FHAD1: variants seen among roughly 807,000 people sequenced by gnomAD.
FHAD1 encodes forkhead associated phosphopeptide binding domain 1, also known as forkhead-associated domain-containing protein 1.
In FHAD1, 146 loss-of-function variants were observed where a neutral mutation model predicts 191.3. The observed-to-expected ratio is 0.76, with a 90% CI of 0.67 to 0.88. The LOEUF is 0.88. Ranked by LOEUF, FHAD1 falls within the 40% of genes least tolerant of loss-of-function variation. FHAD1 has a pLI of 0.00. For synonymous variants in FHAD1, 616 were observed against 672.3 expected (o/e 0.92, Z 1.29); for missense variants, 1,635 against 1,785.8 (o/e 0.92, Z 1.52).
chr1:15,309,271 T>C (rs1671498153), intron 7 of FHAD1, among the ~76,000 whole-genome samples: 1 of 152,124 alleles, frequency 6.6e-6, no homozygotes, highest in African/African-American at 2.4e-5. Context: ...GCACAGCTGT[T>C]TCTTAGCCTG....
intron 4 of FHAD1, among the ~76,000 whole-genome samples, chr1:15,296,242 C>T (rs185231378): frequency 6.6e-5 from 10 of 151,540 alleles, no homozygotes; most frequent in African/African-American, 2.4e-4. Context: ...ACACACACAC[C>T]ACTTTGTAAT....
intron 10 of FHAD1, among the ~76,000 whole-genome samples, chr1:15,323,700 T>G (rs748761742): frequency 1.7e-4 from 26 of 152,278 alleles, no homozygotes; most frequent in Middle Eastern, 3.4e-3. Context: ...ACTGAGCAGC[T>G]GCAGGGTCCT....
At position 15,360,489 on chromosome 1, in the gene FHAD1, A is replaced by AGAGCG; in HGVS notation, c.2750_2754dup (p.Leu919SerfsTer3). The stretch of plus-strand genomic sequence containing the variant: ...TCTCTGTTTCCCAGATCATGGTGGA[A>AGAGCG]GAGCGGCTAATCCTGCAGCAGAAGA... On this transcript the variant is annotated frameshift_variant, in exon 22 of 34. Coordinates refer to ENST00000688493, the MANE Select transcript of FHAD1 (RefSeq NM_001391957.1). LOFTEE classifies it high-confidence loss of function. The AGAGCG allele has an allele frequency of 6.4e-7, 1 of 1,551,296 alleles. No individual in the cohort carries two copies. The highest frequency in any genetic ancestry group is 8.7e-7 in the Non-Finnish European group (1 of 1,146,866).
At chr1:15,328,033 C>CAAAA (rs35961851) in intron 12 of FHAD1, 9 of 119,976 alleles carry the variant, frequency 7.5e-5, no homozygotes, top group Non-Finnish European at 1.2e-4. Flanking sequence ...AACTCCGTCG[C>CAAAA]AAAAAAAAAA....
chr1:15,383,779 G>C (rs1202333180), intron 31 of FHAD1: 1 of 371,954 alleles, frequency 2.7e-6, no homozygotes, highest in Non-Finnish European at 5.5e-6. Flanking sequence ...TAATAGCCCT[G>C]CCTGGTACGA....
At chr1:15,392,160 A>G (rs758381434) in intron 33 of FHAD1, among the ~76,000 whole-genome samples, 3 of 152,166 alleles carry the variant, frequency 2.0e-5, no homozygotes, top group Admixed American at 6.5e-5. Context: ...CCCTCCAGCC[A>G]CAGCTTGAGA....
At chr1:15,357,609 C>T (rs1455426229) in intron 20 of FHAD1, among the ~76,000 whole-genome samples, 3 of 127,438 alleles carry the variant, frequency 2.4e-5, no homozygotes, top group Non-Finnish European at 4.7e-5. Context: ...GGTGACAATG[C>T]GAGACTCCTC....
chr1:15,292,678 A>C (rs2100663070), intron 4 of FHAD1, among the ~76,000 whole-genome samples: 1 of 152,332 alleles, frequency 6.6e-6, no homozygotes, highest in South Asian at 2.1e-4. Flanking sequence ...TTAGGACACA[A>C]GCAACACCAG....
At chr1:15,348,956 A>G in intron 18 of FHAD1, 86 bp from the exon 19 acceptor site, 1 of 725,166 alleles carries the variant, frequency 1.4e-6, no homozygotes, top group South Asian at 2.0e-5. Flanking sequence ...TATTGTTACT[A>G]TTATTATTAT....
At chr1:15,305,379 G>A (rs936367443) in intron 6 of FHAD1, among the ~76,000 whole-genome samples, 2 of 152,148 alleles carry the variant, frequency 1.3e-5, no homozygotes, top group Non-Finnish European at 2.9e-5. Context: ...ATGCTCCACG[G>A]CCTCAGGCTG....
chr1:15,309,980 CA>C (rs1574211436), intron 7 of FHAD1, among the ~76,000 whole-genome samples: 2 of 152,008 alleles, frequency 1.3e-5, no homozygotes, highest in Admixed American at 6.6e-5. Flanking sequence ...CTGGTGGGGT[CA>C]GGGGGGAGGC....
At chr1:15,341,599 T>C (rs1686708402) in intron 15 of FHAD1, 137 bp from the exon 16 acceptor site, 1 of 640,620 alleles carries the variant, frequency 1.6e-6, no homozygotes, top group African/African-American at 1.8e-5. Context: ...CAGCATGCTG[T>C]AGTGTTCTGT....
chr1:15,336,621 A>G (rs551929547), intron 14 of FHAD1, among the ~76,000 whole-genome samples: 1 of 152,100 alleles, frequency 6.6e-6, no homozygotes, highest in Non-Finnish European at 1.5e-5. Flanking sequence ...TCCTGAAAAA[A>G]ATCATTCTTC....
intron 3 of FHAD1, among the ~76,000 whole-genome samples, chr1:15,285,669 G>C (rs1279481903): frequency 2.0e-5 from 3 of 152,134 alleles, no homozygotes; most frequent in Non-Finnish European, 4.4e-5. Context: ...GGGGCTACAA[G>C]TGACAAAACC....
intron 15 of FHAD1, among the ~76,000 whole-genome samples, chr1:15,339,894 C>T (rs548567128): frequency 1.3e-5 from 2 of 152,050 alleles, no homozygotes; most frequent in African/African-American, 4.8e-5. Context: ...GGTGCAATCT[C>T]GGCTCATTGC....
At chr1:15,268,242 G>A (rs1030766947) in intron 2 of FHAD1, among the ~76,000 whole-genome samples, 15 of 148,022 alleles carry the variant, frequency 1.0e-4, no homozygotes, top group South Asian at 6.3e-4. Context: ...GAGAATATAC[G>A]GTGTTTGGTT....
At chr1:15,295,516 G>A (rs1209596202) in intron 4 of FHAD1, among the ~76,000 whole-genome samples, 2 of 152,136 alleles carry the variant, frequency 1.3e-5, no homozygotes, top group Non-Finnish European at 2.9e-5. Context: ...CCTGAAGTGG[G>A]AAGATCAATT....
At chr1:15,323,806 C>T (rs1318244140) in intron 10 of FHAD1, among the ~76,000 whole-genome samples, 1 of 152,178 alleles carries the variant, frequency 6.6e-6, no homozygotes, top group Non-Finnish European at 1.5e-5. Context: ...AGTTTCCCCA[C>T]TTTAAACGCC....
chr1:15,382,095 G>C lies in FHAD1; in HGVS notation c.4090G>C (p.Glu1364Gln), dbSNP rs569326573. The change falls in exon 31 of 34, where the codon GAG becomes CAG. Residue 1364 changes from glutamate (E) to glutamine (Q), a missense_variant. By Grantham distance (29) the Glu-to-Gln change is conservative. Transcript: ENST00000688493. ...AAAGCTGGAGGATGATATCTACAAA[G>C]AGGCCGAAGAGAAGGCCCTGCTGAA... ...VAKLEDDIYK[E>Q]AEEKALLKEA... The C allele has an allele frequency of 2.6e-6, 4 of 1,552,132 alleles. No homozygotes were observed. In the Admixed American group the frequency reaches 7.8e-5, roughly 30 times the overall value.
Sources: gnomAD v4.1 joint callset for allele counts (sites outside exome capture counted in the v4.1 genomes callset) on GRCh38, gnomAD v4.1.1 for gene constraint, MANE v1.5 for transcripts, NCBI Gene and HGNC (gene_info 2026-07-23, HGNC 2026-07-21) for gene names.